The following ADAM23 variants were observed in gnomAD, a reference collection of about 807,000 sequenced individuals.
ADAM23 encodes the protein disintegrin and metalloproteinase domain-containing protein 23.
ADAM23 carries 33 observed loss-of-function variants against 120.1 expected under a neutral mutation model. That is an observed-to-expected ratio of 0.27 (90% CI 0.21 to 0.37). The LOEUF (loss-of-function observed/expected upper bound fraction) is 0.37. Among genes scored for constraint, ADAM23 ranks in the 10% least tolerant of loss-of-function variants. The pLI is 1.00. For synonymous variants in ADAM23, 367 were observed against 375.2 expected (o/e 0.98, Z 0.25); for missense variants, 862 against 1,058.2 (o/e 0.81, Z 2.57).
chr2:206,504,108 A>G (rs1261253226), intron 3 of ADAM23, among the ~76,000 whole-genome samples: 1 of 152,148 alleles, frequency 6.6e-6, no homozygotes, highest in Admixed American at 6.6e-5. Flanking sequence ...TCCTTGATAT[A>G]TTCATGACCT....
At chr2:206,453,651 G>T (rs1695240030) in intron 2 of ADAM23, among the ~76,000 whole-genome samples, 1 of 152,194 alleles carries the variant, frequency 6.6e-6, no homozygotes, top group Admixed American at 6.5e-5. Context: ...AAAAAGGCTA[G>T]ATCCAGTTAT....
At chr2:206,596,880 T>A (rs1371250766) in intron 24 of ADAM23, among the ~76,000 whole-genome samples, 1 of 150,086 alleles carries the variant, frequency 6.7e-6, no homozygotes, top group African/African-American at 2.5e-5. Flanking sequence ...TCTTGTTCTC[T>A]TCCCATCCAT....
rs903844829 is a variant in ADAM23, at chr2:206,565,072, AATTTTCATT to A, written c.1394+7_1394+15del. 6.2e-7 allele frequency: 1 copy of A among 1,613,860 alleles called. No individual in the cohort carries two copies. The highest frequency in any genetic ancestry group is 1.3e-5 in the African/African-American group (1 of 74,926). On this transcript the variant is annotated splice_donor_5th_base_variant and intron_variant, in intron 14 of 25. Coordinates refer to ENST00000264377, the MANE Select transcript of ADAM23 (RefSeq NM_003812.4). ...GCTGCATCATGGAGGAAACAGGGTA[AATTTTCATT>A]ATGCGTGCATTTGATATATGCCTTT... is the stretch of plus-strand genomic sequence containing the variant.
intron 25 of ADAM23, among the ~76,000 whole-genome samples, chr2:206,612,313 T>G (rs1698841662): frequency 1.3e-5 from 2 of 152,348 alleles, no homozygotes; most frequent in Middle Eastern, 3.4e-3. Context: ...TTCTGGAGAT[T>G]ACTAGTCTGG....
intron 8 of ADAM23, among the ~76,000 whole-genome samples, chr2:206,549,254 T>C (rs1697463508): frequency 6.6e-6 from 1 of 151,348 alleles, no homozygotes; most frequent in South Asian, 2.1e-4. Context: ...ATGATAATTA[T>C]GGATACATTT....
At chr2:206,567,419 G>A (rs1697908477) in intron 15 of ADAM23, 97 bp downstream of exon 15, 1 of 929,550 alleles carries the variant, frequency 1.1e-6, no homozygotes. Context: ...TTGGAAAGCA[G>A]GTTTCTTGTC....
At chr2:206,486,411 A>G (rs1237050463) in intron 3 of ADAM23, among the ~76,000 whole-genome samples, 3 of 150,342 alleles carry the variant, frequency 2.0e-5, no homozygotes, top group African/African-American at 7.4e-5. Flanking sequence ...CACTTTATTG[A>G]GGTATGATTG....
chr2:206,491,072 A>G (rs1033700933), intron 3 of ADAM23, among the ~76,000 whole-genome samples: 1 of 152,166 alleles, frequency 6.6e-6, no homozygotes, highest in African/African-American at 2.4e-5. Context: ...TGATACTTAT[A>G]TACTGATTCT....
At chr2:206,502,583 T>C (rs569632486) in intron 3 of ADAM23, among the ~76,000 whole-genome samples, 1 of 152,138 alleles carries the variant, frequency 6.6e-6, no homozygotes, top group Non-Finnish European at 1.5e-5. Flanking sequence ...AGGGCTGTTG[T>C]TAATTGTCTT....
At chr2:206,582,616 T>A (rs973987725) in intron 18 of ADAM23, among the ~76,000 whole-genome samples, 15 of 152,270 alleles carry the variant, frequency 9.9e-5, no homozygotes, top group African/African-American at 3.4e-4. Context: ...GTTTTTTTGT[T>A]TTTGCTTTCT....
intron 2 of ADAM23, among the ~76,000 whole-genome samples, chr2:206,463,202 A>G (rs1346969542): frequency 6.6e-6 from 1 of 152,220 alleles, no homozygotes; most frequent in Non-Finnish European, 1.5e-5. Flanking sequence ...AGATATGACT[A>G]AATTGAGGCT....
intron 2 of ADAM23, among the ~76,000 whole-genome samples, chr2:206,455,429 G>A (rs140556430): frequency 6.6e-6 from 1 of 152,298 alleles, no homozygotes; most frequent in East Asian, 1.9e-4. Flanking sequence ...GGGAGGGGCT[G>A]CCATGAAGGT....
At chr2:206,545,904 A>G (rs1168225231) in intron 6 of ADAM23, among the ~76,000 whole-genome samples, 3 of 152,226 alleles carry the variant, frequency 2.0e-5, no homozygotes, top group Non-Finnish European at 4.4e-5. Flanking sequence ...TTCCCAAATA[A>G]TAACTATTTA....
chr2:206,554,307 A>G lies in ADAM23; in HGVS notation c.934-3120A>G, dbSNP rs145005258. Among the ~76,000 whole-genome samples, 15 of 152,318 alleles carry G rather than the reference A, an allele frequency of 9.8e-5. No homozygotes were observed. The East Asian group carries it at 2.3e-3, about 24-fold the overall frequency. ...CTGGTGGAACCTCATTTGCAAGCCA[A>G]TTATAGCCTTGATAAGAGTCTGCAA... On this transcript the variant is annotated intron_variant, in intron 9 of 25. Transcript: ENST00000264377.
chr2:206,546,426 C>T (rs927627159), intron 6 of ADAM23, among the ~76,000 whole-genome samples: 1 of 152,074 alleles, frequency 6.6e-6, no homozygotes, highest in Non-Finnish European at 1.5e-5. Flanking sequence ...AATGAGAATT[C>T]ATGTTATCTC....
chr2:206,444,021 T>A lies in ADAM23; in HGVS notation c.155T>A (p.Leu52Gln). ...TGCCGCCTGCTTCTCGTCCTTCTCC[T>A]GCTGCCTCCGCTCGCCGCCTCGTCC... ...PPCRLLLVLLLLPPLAASSRP... is the reference protein window; with the variant it reads ...PPCRLLLVLLQLPPLAASSRP... The change falls in exon 1 of 26, where the codon CTG (leucine) becomes CAG (glutamine). Residue 52 changes from leucine (L) to glutamine (Q), a missense_variant. Transcript: ENST00000264377. 7.1e-7 allele frequency: 1 copy of A among 1,411,896 alleles called. No individual in the cohort carries two copies. Among genetic ancestry groups the A allele is most frequent in the Non-Finnish European group, 9.3e-7 (1 of 1,079,446 alleles). 87.5% of individuals were successfully genotyped at this position (1,411,896 alleles called of 1,614,324 possible).
chr2:206,459,139 A>G (rs1695361228), intron 2 of ADAM23, among the ~76,000 whole-genome samples: 1 of 152,186 alleles, frequency 6.6e-6, no homozygotes. Flanking sequence ...GTGTAATGTA[A>G]TGGAGTTTCA....
At chr2:206,587,688 A>G (rs577589744) in intron 19 of ADAM23, among the ~76,000 whole-genome samples, 31 of 152,108 alleles carry the variant, frequency 2.0e-4, no homozygotes, top group Non-Finnish European at 4.0e-4. Context: ...AAATATGACA[A>G]TCTGTCATGA....
intron 2 of ADAM23, among the ~76,000 whole-genome samples, chr2:206,462,791 A>T (rs1046661609): frequency 6.6e-6 from 1 of 151,956 alleles, no homozygotes; most frequent in South Asian, 2.1e-4. Context: ...ATTTTTTTTT[A>T]AAGTTAAGAA....
Sources: allele counts gnomAD v4.1 joint callset (sites outside exome capture counted in the v4.1 genomes callset), GRCh38; gene constraint gnomAD v4.1.1; transcripts MANE v1.5; gene names NCBI Gene and HGNC (gene_info 2026-07-23, HGNC 2026-07-21).